TLX1: variants seen among roughly 807,000 people sequenced by gnomAD.
TLX1 encodes T-cell leukemia homeobox protein 1.
In TLX1, 6 loss-of-function variants were observed where a neutral mutation model predicts 26.5. The observed-to-expected ratio is 0.23, with a 90% CI of 0.12 to 0.45. The LOEUF is 0.45. Among genes scored for constraint, TLX1 ranks in the 20% least tolerant of loss-of-function variants. The pLI, the probability that TLX1 is intolerant of heterozygous loss-of-function variation, is 0.99. For synonymous variants in TLX1, 217 were observed against 219.7 expected, an observed-to-expected ratio of 0.99 and a Z score of 0.11; for missense variants, 418 against 482.6, an observed-to-expected ratio of 0.87 and a Z score of 1.25.
At position 101,136,096 on chromosome 10, in the gene TLX1, T is replaced by A. The variant is rs569302480; in HGVS notation, c.771-595T>A. ...AGTTGACAGGGTGGAGGGGCGGCAG[T>A]AAATGGAATAAGTGAGTCATCGCCT... On this transcript the variant is annotated intron_variant, in intron 2 of 2. Coordinates refer to ENST00000370196, the MANE Select transcript of TLX1 (RefSeq NM_005521.4). Among the ~76,000 whole-genome samples, 8 of 152,222 alleles carry A rather than the reference T, an allele frequency of 5.3e-5. No homozygotes were observed. In the South Asian group the frequency reaches 1.0e-3, roughly 20 times the overall value.
Position 101,132,009 on chromosome 10 carries a change from C to T in TLX1, c.468C>T (p.Thr156=), listed in dbSNP as rs767992994. 6.6e-6 allele frequency: 10 copies of T among 1,525,212 alleles called. No individual in the cohort carries two copies. The highest frequency in any genetic ancestry group is 2.7e-5 in the East Asian group (1 of 37,506). The allele number at this position is 1,525,212 out of a possible 1,614,324, so 94.5% of individuals were successfully genotyped here. ...HPQPLATGLP[T]VPSVPAMPGV... is the part of the protein sequence containing the mutation. The stretch of plus-strand genomic sequence containing the variant: ...AGCCCCTGGCCACCGGCTTGCCCAC[C>T]GTGCCCTCTGTGCCTGCCATGCCGG... The change falls in exon 1 of 3, where the codon ACC becomes ACT. Residue 156 remains threonine, a synonymous_variant. Transcript: ENST00000370196. The surrounding 1 kb of genome is among the most constrained non-coding windows in gnomAD (Gnocchi z 4.1).
chr10:101,134,262 G>A lies in TLX1; in HGVS notation c.656G>A (p.Arg219His), dbSNP rs767759174. Reference protein sequence around the residue: ...TRLQICELEKRFHRQKYLASA... With the variant: ...TRLQICELEKHFHRQKYLASA... Reference sequence around the variant, plus strand: ...CTGCAGATCTGCGAGCTGGAGAAGCGCTTCCACCGCCAGAAGTACCTGGCC... The same window carrying A: ...CTGCAGATCTGCGAGCTGGAGAAGCACTTCCACCGCCAGAAGTACCTGGCC... Residue 219 changes from arginine (R) to histidine (H), a missense_variant, in exon 2 of 3, where the codon CGC becomes CAC. By Grantham distance (29) the Arg-to-His change is conservative. Around this residue, in one of 3 missense-constraint regions of TLX1, gnomAD observed 322 missense variants for 344.6 expected, o/e 0.93. Coordinates refer to ENST00000370196, the MANE Select transcript of TLX1 (RefSeq NM_005521.4). 6.2e-7 allele frequency: 1 copy of A among 1,611,974 alleles called. No homozygotes were observed.
At position 101,134,386 on chromosome 10, in the gene TLX1, C is replaced by T. The variant is rs749183200; in HGVS notation, c.770+10C>T. On this transcript the variant is annotated intron_variant, in intron 2 of 2. Coordinates refer to ENST00000370196, the MANE Select transcript of TLX1 (RefSeq NM_005521.4). Reference sequence around the variant, plus strand: ...GGCGGACAAAGTGGAGGTGAGCAAGCGGGGCGGGCCGGCCGCCCGCGAGCG... The same window carrying T: ...GGCGGACAAAGTGGAGGTGAGCAAGTGGGGCGGGCCGGCCGCCCGCGAGCG... 9.1e-6 allele frequency: 14 copies of T among 1,545,546 alleles called. No homozygotes were observed. Among genetic ancestry groups the T allele is most frequent in the African/African-American group, 1.4e-5 (1 of 71,748 alleles).
At position 101,137,146 on chromosome 10, in the gene TLX1, A is replaced by G. The variant is rs1940314998; in HGVS notation, c.*233A>G. 1.7e-6 allele frequency: 1 copy of G among 572,060 alleles called. No individual in the cohort carries two copies. Among genetic ancestry groups the G allele is most frequent in the Non-Finnish European group, 3.1e-6 (1 of 323,768 alleles). The allele number at this position is 572,060 out of a possible 1,614,324, so 35.4% of individuals were successfully genotyped here. On this transcript the variant is annotated 3_prime_UTR_variant, in exon 3 of 3. Coordinates refer to ENST00000370196, the MANE Select transcript of TLX1 (RefSeq NM_005521.4). ...CCCAGAGGCGTCCCGCACCTGTCTGAACTGTTAAGAAATCTGTTTTTGTTT... is the reference window on the plus strand; with the variant it reads ...CCCAGAGGCGTCCCGCACCTGTCTGGACTGTTAAGAAATCTGTTTTTGTTT...
At chr10:101,133,957 G>T (rs1940233383) in intron 1 of TLX1, among the ~76,000 whole-genome samples, 1 of 152,158 alleles carries the variant, frequency 6.6e-6, no homozygotes. Flanking sequence ...GGCGGCGTCG[G>T]ACTGGCGGGC....
rs1940179088 is a variant in TLX1 at position 101,131,787 on chromosome 10, C to G, written c.246C>G (p.Pro82=). 7 of 1,386,872 alleles carry G rather than the reference C, an allele frequency of 5.0e-6. No homozygotes were observed. The highest frequency in any genetic ancestry group is 6.5e-6 in the Non-Finnish European group (7 of 1,076,686). The allele number at this position is 1,386,872 out of a possible 1,614,324, so 85.9% of individuals were successfully genotyped here. The change falls in exon 1 of 3, where the codon CCC becomes CCG. Residue 82 remains proline, a synonymous_variant. Coordinates refer to ENST00000370196, the MANE Select transcript of TLX1 (RefSeq NM_005521.4). ...GAYGTGGPGG[P]GGPAGGGGAC... ...ATGGTACTGGAGGTCCCGGCGGCCC[C>G]GGAGGCCCGGCAGGCGGCGGCGGCG...
chr10:101,135,338 CTT>C (rs963952088), intron 2 of TLX1: 1 of 154,380 alleles, frequency 6.5e-6, no homozygotes, highest in Non-Finnish European at 1.5e-5. Context: ...GGAGTTTCCT[CTT>C]TTTCTGAACG....
chr10:101,131,599 G>C lies in TLX1; in HGVS notation c.58G>C (p.Gly20Arg). Residue 20 changes from glycine to arginine, a missense_variant, in exon 1 of 3, where the codon GGC becomes CGC. Physicochemically the swap from Gly to Arg is moderately radical, Grantham distance 125 (BLOSUM62 -2). This residue lies in a region of TLX1 where 322 missense variants were observed against 344.6 expected (regional missense o/e 0.93). Coordinates refer to ENST00000370196, the MANE Select transcript of TLX1 (RefSeq NM_005521.4). ...GGGTCACGCAGAGCCCATTAGCTTC[G>C]GCATCGACCAGATCCTCAACAGCCC... is the stretch of plus-strand genomic sequence containing the variant. ...HPGHAEPISF[G>R]IDQILNSPDQ... 2 of 1,564,318 alleles carry C rather than the reference G, an allele frequency of 1.3e-6. No individual in the cohort carries two copies. The highest frequency in any genetic ancestry group is 8.6e-7 in the Non-Finnish European group (1 of 1,158,322).
At position 101,137,090 on chromosome 10, in the gene TLX1, G is replaced by T; in HGVS notation, c.*177G>T. ...CGACACTGTTCTCCCTTCGGTGGAA[G>T]AGCTCAAGGGACAAGGACACGCGCC... On this transcript the variant is annotated 3_prime_UTR_variant, in exon 3 of 3. Coordinates refer to ENST00000370196, the MANE Select transcript of TLX1 (RefSeq NM_005521.4). 1 of 809,296 alleles carries T rather than the reference G, an allele frequency of 1.2e-6. No individual in the cohort carries two copies. Among genetic ancestry groups the T allele is most frequent in the Non-Finnish European group, 1.9e-6 (1 of 527,720 alleles). The allele number at this position is 809,296 out of a possible 1,614,324, so 50.1% of individuals were successfully genotyped here.
At chr10:101,134,676 GC>G (rs1195895365) in intron 2 of TLX1, among the ~76,000 whole-genome samples, 13 of 152,236 alleles carry the variant, frequency 8.5e-5, no homozygotes, top group African/African-American at 3.1e-4. Context: ...GCGGGTTAGT[GC>G]ACTCCACGCA....
intron 2 of TLX1, chr10:101,135,237 C>T (rs1940270281): frequency 6.6e-6 from 1 of 152,404 alleles, no homozygotes; most frequent in African/African-American, 2.4e-5. Context: ...GAGTTTCTCC[C>T]CTAGCTCAGG....
At chr10:101,136,166 C>G (rs1452228401) in intron 2 of TLX1, among the ~76,000 whole-genome samples, 2 of 152,198 alleles carry the variant, frequency 1.3e-5, no homozygotes, top group East Asian at 3.8e-4. Flanking sequence ...GCAGGAGCCC[C>G]GGTAGGGCAC....
rs878941357 is a variant in TLX1 at position 101,131,437 on chromosome 10, C to T, written c.-105C>T. ...TCTGCGCACTTCGCTTCCAAGTCTCCGCGCAGCCAGGAGCCGCTGTTGCCT... is the reference window on the plus strand; with the variant it reads ...TCTGCGCACTTCGCTTCCAAGTCTCTGCGCAGCCAGGAGCCGCTGTTGCCT... On this transcript the variant is annotated 5_prime_UTR_variant, in exon 1 of 3. Transcript: ENST00000370196. 9 of 934,332 alleles carry T rather than the reference C, an allele frequency of 9.6e-6. No individual in the cohort carries two copies. The South Asian group carries it at 1.2e-4, about 13-fold the overall frequency. The allele number at this position is 934,332 out of a possible 1,614,324, so 57.9% of individuals were successfully genotyped here.
chr10:101,134,392 G>T lies in TLX1; in HGVS notation c.770+16G>T. ...CAAAGTGGAGGTGAGCAAGCGGGGC[G>T]GGCCGGCCGCCCGCGAGCGGCGCGG... On this transcript the variant is annotated intron_variant, in intron 2 of 2. Coordinates refer to ENST00000370196, the MANE Select transcript of TLX1 (RefSeq NM_005521.4). The T allele has an allele frequency of 6.5e-7, 1 of 1,540,258 alleles. No homozygotes were observed. Among genetic ancestry groups the T allele is most frequent in the Non-Finnish European group, 8.7e-7 (1 of 1,148,414 alleles).
intron 2 of TLX1, 127 bp downstream of exon 2, chr10:101,134,503 G>A: frequency 9.1e-7 from 1 of 1,102,984 alleles, no homozygotes; most frequent in Non-Finnish European, 1.3e-6. Flanking sequence ...GGAGGAGCGA[G>A]CTCCCGCTAG....
Position 101,131,875 on chromosome 10 carries a change from G to T in TLX1, c.334G>T (p.Gly112Cys). The change falls in exon 1 of 3, where the codon GGT becomes TGT. Residue 112 changes from glycine (G) to cysteine (C), a missense_variant. Around this residue, in one of 3 missense-constraint regions of TLX1, gnomAD observed 322 missense variants for 344.6 expected, o/e 0.93. Transcript: ENST00000370196. ...NVNMALAGGP[G>C]PGGGGGSSGG... Reference sequence around the variant, plus strand: ...GAACATGGCCTTGGCAGGCGGCCCCGGTCCTGGCGGCGGCGGCGGCAGCAG... The same window carrying T: ...GAACATGGCCTTGGCAGGCGGCCCCTGTCCTGGCGGCGGCGGCGGCAGCAG... The T allele has an allele frequency of 7.1e-7, 1 of 1,402,508 alleles. No individual in the cohort carries two copies. The highest frequency in any genetic ancestry group is 9.2e-7 in the Non-Finnish European group (1 of 1,085,510). The allele number at this position is 1,402,508 out of a possible 1,614,324, so 86.9% of individuals were successfully genotyped here.
chr10:101,137,497 T>G lies in TLX1; in HGVS notation c.*584T>G. ...AGACTCATCCTGAACAGCATGGCACTCCCTCCAGCACAAACACAAGGTCAT... is the reference window on the plus strand; with the variant it reads ...AGACTCATCCTGAACAGCATGGCACGCCCTCCAGCACAAACACAAGGTCAT... On this transcript the variant is annotated 3_prime_UTR_variant, in exon 3 of 3. Coordinates refer to ENST00000370196, the MANE Select transcript of TLX1 (RefSeq NM_005521.4). 1 of 237,654 alleles carries G rather than the reference T, an allele frequency of 4.2e-6. No individual in the cohort carries two copies. The highest frequency in any genetic ancestry group is 8.3e-6 in the Non-Finnish European group (1 of 120,930). 14.7% of individuals were successfully genotyped at this position (237,654 alleles called of 1,614,324 possible).
chr10:101,136,002 C>T lies in TLX1; in HGVS notation c.771-689C>T, dbSNP rs184039825. 1.8e-4 allele frequency among the ~76,000 whole-genome samples: 28 copies of T among 152,296 alleles called. No homozygotes were observed. In the East Asian group the frequency reaches 3.1e-3, roughly 17 times the overall value. On this transcript the variant is annotated intron_variant, in intron 2 of 2. Transcript: ENST00000370196. The stretch of plus-strand genomic sequence containing the variant: ...TTCGCATGGCTTCATCGATCGCCTA[C>T]AAATTGCTTCTGAAGGCCCCAGGGA...
intron 2 of TLX1, among the ~76,000 whole-genome samples, chr10:101,135,156 G>GGCTGCACCCTCTGGCAC (rs34479103): frequency 0.017 from 2,620 of 151,258 alleles, 40 homozygotes; most frequent in Non-Finnish European, 0.029. Flanking sequence ...CGCTTTCTCC[G>GGCTGCACCCTCTGGCAC]GCTGCACCCT....
Sources: gnomAD v4.1 joint callset for allele counts (sites outside exome capture counted in the v4.1 genomes callset) on GRCh38, gnomAD v4.1.1 for gene constraint, gnomAD v4.1.1 regional missense constraint, Gnocchi (gnomAD v3.1) non-coding constraint, MANE v1.5 for transcripts, NCBI Gene and HGNC (gene_info 2026-07-23, HGNC 2026-07-21) for gene names.